The following SEC31B variants were observed in gnomAD, a reference collection of about 807,000 sequenced individuals.
SEC31B encodes the protein protein transport protein Sec31B.
A neutral mutation model predicts 135.0 loss-of-function variants in SEC31B; 113 were observed. The observed-to-expected ratio is 0.84, with a 90% CI of 0.72 to 0.98. SEC31B has a LOEUF of 0.98. Ranked by LOEUF, SEC31B falls within the 50% of genes least tolerant of loss-of-function variation. The pLI is 0.00. For synonymous variants in SEC31B, 508 were observed against 549.4 expected (o/e 0.92, Z 1.05); for missense variants, 1,296 against 1,421.1 (o/e 0.91, Z 1.42).
At chr10:100,508,696 G>A (rs982058710) in intron 5 of SEC31B, 35 of 440,366 alleles carry the variant, frequency 7.9e-5, no homozygotes, top group African/African-American at 6.0e-4. Context: ...CCAACCCTGC[G>A]AAAGCTCTAC....
chr10:100,498,648 C>A, intron 14 of SEC31B, 57 bp downstream of exon 14: 1 of 1,333,210 alleles, frequency 7.5e-7, no homozygotes, highest in South Asian at 1.2e-5. Context: ...AGTCCAAAAC[C>A]TCCGTGCCCA....
intron 11 of SEC31B, among the ~76,000 whole-genome samples, chr10:100,500,973 G>C (rs923028707): frequency 1.3e-5 from 2 of 151,820 alleles, no homozygotes; most frequent in Non-Finnish European, 2.9e-5. Context: ...TTGGGAGGCT[G>C]AGGTGGGTGG....
chr10:100,487,847 G>A, intron 25 of SEC31B, 52 bp from the exon 26 acceptor site: 1 of 1,598,274 alleles, frequency 6.3e-7, no homozygotes, highest in Non-Finnish European at 8.6e-7. Context: ...CTCCTACCCT[G>A]GCAGCATGGA....
intron 19 of SEC31B, among the ~76,000 whole-genome samples, chr10:100,492,315 C>G (rs1851316105): frequency 6.6e-6 from 1 of 152,226 alleles, no homozygotes; most frequent in African/African-American, 2.4e-5. Context: ...ACCTCCACCT[C>G]CCGGGTTCAA....
chr10:100,498,008 T>C (rs1303210505), intron 15 of SEC31B, 21 bp downstream of exon 15: 1 of 1,613,716 alleles, frequency 6.2e-7, no homozygotes, highest in Admixed American at 1.7e-5. Flanking sequence ...TCCCTTCTTC[T>C]CCTGCATGAT....
chr10:100,490,449 T>C (rs1026986939), intron 20 of SEC31B, 127 bp from the exon 21 acceptor site: 1 of 1,073,542 alleles, frequency 9.3e-7, no homozygotes, highest in Admixed American at 3.2e-5. Flanking sequence ...TATGGAAATC[T>C]ATAATTTACA....
intron 16 of SEC31B, 44 bp downstream of exon 16, chr10:100,497,623 C>G (rs559413379): frequency 1.2e-6 from 2 of 1,613,812 alleles, no homozygotes; most frequent in South Asian, 2.2e-5. Flanking sequence ...TGACTCCATG[C>G]TGGAGTCACA....
Position 100,516,116 on chromosome 10 carries a change from TC to T in SEC31B, c.182del (p.Gly61GlufsTer6). ...RDPSLDLKHRGVLSALSRFHK... is the reference protein window; with the variant it reads ...RDPSLDLKHRXVLSALSRFHK... ...AATACCTGCTCAAGGCAGAAAGGAC[TC>T]CTCTGTGTTTCAAGTCCAGAGAAGG... On this transcript the variant is annotated frameshift_variant, in exon 3 of 26. Transcript: ENST00000370345. LOFTEE classifies it high-confidence loss of function. 1 of 1,614,120 alleles carries T rather than the reference TC, an allele frequency of 6.2e-7. No individual in the cohort carries two copies. Among genetic ancestry groups the T allele is most frequent in the Non-Finnish European group, 8.5e-7 (1 of 1,180,006 alleles).
chr10:100,497,492 G>A (rs1851434321), intron 16 of SEC31B, 175 bp downstream of exon 16: 8 of 1,480,820 alleles, frequency 5.4e-6, no homozygotes, highest in Non-Finnish European at 7.2e-6. Context: ...GATCCCCTCT[G>A]AAAATAGGGG....
intron 12 of SEC31B, 26 bp downstream of exon 12, chr10:100,499,498 T>C: frequency 6.4e-7 from 1 of 1,556,244 alleles, no homozygotes; most frequent in East Asian, 2.2e-5. Flanking sequence ...AACAAGTACA[T>C]GTTTCTGATG....
At chr10:100,505,552 C>G in intron 9 of SEC31B, 57 bp from the exon 10 acceptor site, 1 of 1,501,938 alleles carries the variant, frequency 6.7e-7, no homozygotes, top group East Asian at 2.4e-5. Flanking sequence ...GTCAGGAACT[C>G]CACCTACAAA....
chr10:100,505,211 TA>T, intron 10 of SEC31B, 149 bp downstream of exon 10: 2 of 922,614 alleles, frequency 2.2e-6, no homozygotes, highest in Non-Finnish European at 3.2e-6. Context: ...CCTTGAGAGG[TA>T]AAGTGGGATC....
chr10:100,514,031 A>T (rs1185636634), intron 3 of SEC31B, among the ~76,000 whole-genome samples: 1 of 151,800 alleles, frequency 6.6e-6, no homozygotes, highest in Admixed American at 6.6e-5. Flanking sequence ...CTAATAATAC[A>T]AAAATTAGCT....
At chr10:100,489,660 T>C (rs371530349) in intron 22 of SEC31B, 43 bp downstream of exon 22, 13 of 1,613,604 alleles carry the variant, frequency 8.1e-6, no homozygotes, top group South Asian at 3.3e-5. Context: ...AACGTGGTCA[T>C]TGGTGAATGT....
At chr10:100,500,041 T>G in intron 11 of SEC31B, 1 of 456,748 alleles carries the variant, frequency 2.2e-6, no homozygotes, top group East Asian at 6.9e-5. Context: ...AAGCTATGCT[T>G]TTAGAATTGG....
chr10:100,489,841 C>CT, intron 21 of SEC31B, 80 bp from the exon 22 acceptor site: 1 of 1,601,816 alleles, frequency 6.2e-7, no homozygotes, highest in Non-Finnish European at 8.5e-7. Context: ...TGGAAGCATT[C>CT]TTTGAGTTGG....
Position 100,496,313 on chromosome 10 carries a change from G to A in SEC31B, c.2255C>T (p.Ala752Val), listed in dbSNP as rs866001143. Residue 752 changes from alanine to valine, a missense_variant, in exon 18 of 26, where the codon GCA becomes GTA. By Grantham distance (64) the Ala-to-Val change is moderately conservative. Coordinates refer to ENST00000370345, the MANE Select transcript of SEC31B (RefSeq NM_015490.4). ...YRVTQYANLL[A>V]AQGSLATAMS... The stretch of plus-strand genomic sequence containing the variant: ...GGCAGTGGCCAGGCTGCCCTGGGCT[G>A]CCAGGAGGTTGGCATACTGAGTGAC... The A allele has an allele frequency of 6.2e-7, 1 of 1,614,206 alleles. No individual in the cohort carries two copies. The highest frequency in any genetic ancestry group is 1.6e-4 in the Middle Eastern group (1 of 6,062).
chr10:100,505,383 C>T lies in SEC31B; in HGVS notation c.1157G>A (p.Arg386Lys). 1.2e-6 allele frequency: 2 copies of T among 1,613,280 alleles called. No homozygotes were observed. The highest frequency in any genetic ancestry group is 8.5e-7 in the Non-Finnish European group (1 of 1,179,642). ...TACAGCAAATGAAACACCTGTTGGTCTTCTAATCCATTTGGGGGGTTTTTT... is the reference window on the plus strand; with the variant it reads ...TACAGCAAATGAAACACCTGTTGGTTTTCTAATCCATTTGGGGGGTTTTTT... ...PLKKPPKWIR[R>K]PTGVSFAFGG... Residue 386 changes from arginine (R) to lysine (K), a missense_variant, in exon 10 of 26, where the codon AGA becomes AAA. Transcript: ENST00000370345.
chr10:100,511,904 G>C lies in SEC31B; in HGVS notation c.204-2393C>G, dbSNP rs1222160419. Among the ~76,000 whole-genome samples the C allele has an allele frequency of 3.9e-5, 6 of 152,296 alleles. No homozygotes were observed. The Middle Eastern group carries it at 0.01, about 259-fold the overall frequency. On this transcript the variant is annotated intron_variant, in intron 3 of 25. Transcript: ENST00000370345. The stretch of plus-strand genomic sequence containing the variant: ...TTCTGAATGCCTACGCATCTACTAT[G>C]AATCCTCAATTTACAGTGGGAAAAA...
Sources: gnomAD v4.1 joint callset for allele counts (sites outside exome capture counted in the v4.1 genomes callset) on GRCh38, gnomAD v4.1.1 for gene constraint, MANE v1.5 for transcripts, NCBI Gene and HGNC (gene_info 2026-07-23, HGNC 2026-07-21) for gene names.